WNT6: variants seen among roughly 807,000 people sequenced by gnomAD.
WNT6 encodes the protein Wnt family member 6, also known as protein Wnt-6.
WNT6 carries 27 observed loss-of-function variants against 33.1 expected under a neutral mutation model. The ratio of observed to expected loss-of-function variants is 0.82; its 90% CI spans 0.60 to 1.12. WNT6 has a LOEUF of 1.12. Among genes scored for constraint, WNT6 ranks in the 50% most tolerant of loss-of-function variants. WNT6 has a pLI of 0.00. For missense variants in WNT6, 494 were observed against 535.3 expected (o/e 0.92, Z 0.76); for synonymous variants, 249 against 242.8 (o/e 1.03, Z -0.24).
chr2:218,860,086 C>T lies in WNT6; in HGVS notation c.49C>T (p.Leu17=). 1 of 1,527,510 alleles carries T rather than the reference C, an allele frequency of 6.5e-7. No individual in the cohort carries two copies. 94.6% of individuals were successfully genotyped at this position (1,527,510 alleles called of 1,614,324 possible). ...SRLGLLLLLL[L]CPAHVGGLWW... Reference sequence around the variant, plus strand: ...CCTCGGGCTGCTGCTGCTGCTGCTCCTGTGCCCGGCGCACGTCGGCGGACT... The same window carrying T: ...CCTCGGGCTGCTGCTGCTGCTGCTCTTGTGCCCGGCGCACGTCGGCGGACT... Residue 17 remains leucine, a synonymous_variant, in exon 1 of 4, where the codon CTG becomes TTG. Coordinates refer to ENST00000233948, the MANE Select transcript of WNT6 (RefSeq NM_006522.4).
At chr2:218,865,023 A>G (rs945570683) in intron 1 of WNT6, among the ~76,000 whole-genome samples, 2 of 152,328 alleles carry the variant, frequency 1.3e-5, no homozygotes, top group Middle Eastern at 3.4e-3. Context: ...GGCTGGCCCA[A>G]TCCAGGCCAG....
At chr2:218,870,361 A>T (rs1233281234) in intron 1 of WNT6, among the ~76,000 whole-genome samples, 1 of 152,154 alleles carries the variant, frequency 6.6e-6, no homozygotes, top group African/African-American at 2.4e-5. Flanking sequence ...GACATAGAAG[A>T]TATCAGGGTA....
At chr2:218,872,074 GGGAA>G (rs934887728) in intron 3 of WNT6, among the ~76,000 whole-genome samples, 7 of 152,194 alleles carry the variant, frequency 4.6e-5, no homozygotes, top group Non-Finnish European at 7.4e-5. Flanking sequence ...GGCAGAATGG[GGGAA>G]GGGACACTCA....
At position 218,871,371 on chromosome 2, in the gene WNT6, T is replaced by A; in HGVS notation, c.302-114T>A. On this transcript the variant is annotated intron_variant, in intron 2 of 3. Transcript: ENST00000233948. The surrounding 1 kb of genome is among the most constrained non-coding windows in gnomAD (Gnocchi z 6.4). ...CCCCCTCACATGTGTCTGGGCACCC[T>A]GCAAGGACCCTGCCTCCCAGGCCCC... 1 of 1,486,480 alleles carries A rather than the reference T, an allele frequency of 6.7e-7. No individual in the cohort carries two copies. Among genetic ancestry groups the A allele is most frequent in the Non-Finnish European group, 9.1e-7 (1 of 1,096,998 alleles). The allele number at this position is 1,486,480 out of a possible 1,614,324, so 92.1% of individuals were successfully genotyped here.
At position 218,871,231 on chromosome 2, in the gene WNT6, A is replaced by G; in HGVS notation, c.285A>G (p.Gly95=). The G allele has an allele frequency of 3.1e-6, 5 of 1,611,522 alleles. No homozygotes were observed. Among genetic ancestry groups the G allele is most frequent in the Non-Finnish European group, 4.2e-6 (5 of 1,178,458 alleles). Reference sequence around the variant, plus strand: ...GCTCCAGCCACAGCAAGGCCTTTGGACGCATCCTGCAACAGGGTCAGTGTG... The same window carrying G: ...GCTCCAGCCACAGCAAGGCCTTTGGGCGCATCCTGCAACAGGGTCAGTGTG... ...WNCSSHSKAF[G]RILQQDIRET... The change falls in exon 2 of 4, where the codon GGA becomes GGG. Residue 95 remains glycine (G), a synonymous_variant. Coordinates refer to ENST00000233948, the MANE Select transcript of WNT6 (RefSeq NM_006522.4). The surrounding 1 kb of genome is among the most constrained non-coding windows in gnomAD (Gnocchi z 6.4).
Position 218,871,921 on chromosome 2 carries a change from G to A in WNT6, c.636+102G>A. ...GCAGGAGTGAGGGTGTGTAGGTGGA[G>A]GGGGGCGTTAATGTGTGGGGGAGTG... On this transcript the variant is annotated intron_variant, in intron 3 of 3. Transcript: ENST00000233948. This position sits in a 1 kb window ranked among gnomAD's most constrained non-coding sequence, Gnocchi z 6.4. 1 of 579,160 alleles carries A rather than the reference G, an allele frequency of 1.7e-6. No individual in the cohort carries two copies. The highest frequency in any genetic ancestry group is 4.4e-5 in the Admixed American group (1 of 22,592). 35.9% of individuals were successfully genotyped at this position (579,160 alleles called of 1,614,324 possible).
At chr2:218,869,450 C>T (rs1484464341) in intron 1 of WNT6, among the ~76,000 whole-genome samples, 3 of 152,156 alleles carry the variant, frequency 2.0e-5, no homozygotes, top group Admixed American at 6.5e-5. Flanking sequence ...ACTTGTGGAG[C>T]AAATGGGGAC....
Position 218,874,025 on chromosome 2 carries a change from GC to G in WNT6, c.*183del. 2.8e-6 allele frequency: 2 copies of G among 719,120 alleles called. No homozygotes were observed. The highest frequency in any genetic ancestry group is 4.2e-6 in the Non-Finnish European group (2 of 477,522). 44.5% of individuals were successfully genotyped at this position (719,120 alleles called of 1,614,324 possible). ...TTGAGAGGAACGCCCACCCACGAAGGCCCAGGGCGCCAGACGGCCCCGAAAA... is the reference window on the plus strand; with the variant it reads ...TTGAGAGGAACGCCCACCCACGAAGGCCAGGGCGCCAGACGGCCCCGAAAA... On this transcript the variant is annotated 3_prime_UTR_variant, in exon 4 of 4. Coordinates refer to ENST00000233948, the MANE Select transcript of WNT6 (RefSeq NM_006522.4).
chr2:218,860,344 T>TGC (rs1321150131), intron 1 of WNT6, among the ~76,000 whole-genome samples: 1 of 152,284 alleles, frequency 6.6e-6, no homozygotes, highest in Non-Finnish European at 1.5e-5. Flanking sequence ...CGCCAAGTTA[T>TGC]GCGCTCACCC....
chr2:218,863,776 G>A (rs562724580), intron 1 of WNT6, among the ~76,000 whole-genome samples: 15 of 152,326 alleles, frequency 9.8e-5, no homozygotes, highest in Admixed American at 9.2e-4. Flanking sequence ...TCGAACCTGG[G>A]AGGCTGAGGT....
intron 1 of WNT6, among the ~76,000 whole-genome samples, chr2:218,861,147 G>T (rs914912748): frequency 2.0e-4 from 30 of 152,122 alleles, no homozygotes; most frequent in Non-Finnish European, 7.4e-5. Flanking sequence ...CCCCAGATTT[G>T]GAAGAGAGGC....
rs6754599 is a variant in WNT6, at chr2:218,867,420, C to G, written c.81-3607C>G. ...AGGACATCCAGGGCTTAGGTCTACA[C>G]ATATTGCCAATAGGGACTGGCTGGC... On this transcript the variant is annotated intron_variant, in intron 1 of 3. Transcript: ENST00000233948. This position sits in a 1 kb window ranked among gnomAD's most constrained non-coding sequence, Gnocchi z 4.9. Among the ~76,000 whole-genome samples the G allele has an allele frequency of 0.35, 53,196 of 152,060 alleles. 14,755 individuals are homozygous for G. Among genetic ancestry groups the G allele is most frequent in the African/African-American group, 0.77 (31,817 of 41,446 alleles).
chr2:218,866,060 G>C (rs1231047300), intron 1 of WNT6, among the ~76,000 whole-genome samples: 2 of 101,378 alleles, frequency 2.0e-5, no homozygotes, highest in African/African-American at 8.2e-5. Flanking sequence ...GAGCAGGACA[G>C]GACAGGCGGG....
chr2:218,873,546 A>C lies in WNT6; in HGVS notation c.799A>C (p.Lys267Gln). Residue 267 changes from lysine to glutamine, a missense_variant, in exon 4 of 4, where the codon AAG (lysine) becomes CAG (glutamine). Physicochemically the swap from Lys to Gln is moderately conservative, Grantham distance 53 (BLOSUM62 1). Coordinates refer to ENST00000233948, the MANE Select transcript of WNT6 (RefSeq NM_006522.4). The surrounding 1 kb of genome is among the most constrained non-coding windows in gnomAD (Gnocchi z 6.1). ...ASRVMGTNDG[K>Q]ALLPAVRTLK... The stretch of plus-strand genomic sequence containing the variant: ...ACGCGTCATGGGCACCAACGACGGC[A>C]AGGCCCTGCTGCCCGCCGTCCGCAC... 6.5e-7 allele frequency: 1 copy of C among 1,537,846 alleles called. No homozygotes were observed. The highest frequency in any genetic ancestry group is 8.7e-7 in the Non-Finnish European group (1 of 1,146,038).
chr2:218,866,042 G>C (rs937458911), intron 1 of WNT6, among the ~76,000 whole-genome samples: 10 of 151,012 alleles, frequency 6.6e-5, no homozygotes, highest in African/African-American at 2.4e-4. Context: ...TAATTACCGA[G>C]TTAGACAGAG....
In WNT6 at chr2:218,860,004, C is replaced by A; in HGVS notation, c.-34C>A. 7.1e-7 allele frequency: 1 copy of A among 1,416,360 alleles called. No individual in the cohort carries two copies. Among genetic ancestry groups the A allele is most frequent in the Non-Finnish European group, 9.2e-7 (1 of 1,081,810 alleles). The allele number at this position is 1,416,360 out of a possible 1,614,324, so 87.7% of individuals were successfully genotyped here. A position where few individuals can be genotyped will look rare whatever the true frequency, so the allele number is the denominator to read the frequency against. ...CCGCGGTTCGCCCCGCAGCCTCGCC[C>A]CCTGCCCACCCGGGCGGCCGTAGGG... On this transcript the variant is annotated 5_prime_UTR_variant, in exon 1 of 4. Coordinates refer to ENST00000233948, the MANE Select transcript of WNT6 (RefSeq NM_006522.4).
intron 1 of WNT6, 125 bp from the exon 2 acceptor site, chr2:218,870,902 T>C: frequency 1.2e-6 from 1 of 842,472 alleles, no homozygotes; most frequent in South Asian, 1.7e-5. Flanking sequence ...CAAGCTCAGT[T>C]TGGAGGTAGG....
chr2:218,872,433 T>C (rs922826852), intron 3 of WNT6, among the ~76,000 whole-genome samples: 3 of 152,150 alleles, frequency 2.0e-5, no homozygotes, highest in Non-Finnish European at 4.4e-5. Context: ...GCCAACTGGC[T>C]GCCCAGCAAC....
At chr2:218,864,353 G>A (rs7558440) in intron 1 of WNT6, among the ~76,000 whole-genome samples, 25,769 of 151,938 alleles carry the variant, frequency 0.17, 2,421 homozygotes, top group East Asian at 0.38. Context: ...TCTGCCACCC[G>A]GGTTCAAGTG....
Sources: allele counts gnomAD v4.1 joint callset (sites outside exome capture counted in the v4.1 genomes callset), GRCh38; gene constraint gnomAD v4.1.1; non-coding constraint Gnocchi (gnomAD v3.1); transcripts MANE v1.5; gene names NCBI Gene and HGNC (gene_info 2026-07-23, HGNC 2026-07-21).